Variants in WBP1L observed in about 807,000 individuals in gnomAD.
WBP1L encodes WW domain binding protein 1 like.
Under a neutral mutation model 33.7 loss-of-function variants are expected in WBP1L, and 17 were observed. The observed-to-expected ratio is 0.50, with a 90% CI of 0.34 to 0.76. The LOEUF is 0.76. Ranked by LOEUF, WBP1L falls within the 30% of genes least tolerant of loss-of-function variation. WBP1L has a pLI of 0.01. For synonymous variants in WBP1L, 173 were observed against 190.8 expected (o/e 0.91, Z 0.77); for missense variants, 389 against 469.4 (o/e 0.83, Z 1.58).
At chr10:102,744,255 G>A (rs1842834655) in intron 1 of WBP1L, 112 bp downstream of exon 1, 2 of 1,293,398 alleles carry the variant, frequency 1.5e-6, no homozygotes, top group South Asian at 1.6e-5. Context: ...CGAGAGGGGC[G>A]TCTATGCCTG....
chr10:102,807,771 A>G (rs1180562408), intron 2 of WBP1L, among the ~76,000 whole-genome samples: 2 of 151,738 alleles, frequency 1.3e-5, no homozygotes, highest in Non-Finnish European at 2.9e-5. Flanking sequence ...CAAAAATAAT[A>G]TTATGTGAGT....
In WBP1L at chr10:102,814,791, G is replaced by C. The variant is rs916102781; in HGVS notation, c.*1460G>C. ...AAACAAACATTCCCCACCCGGCCCT[G>C]TGCATATGAAGTCTTTCTTCCCCCA... is the stretch of plus-strand genomic sequence containing the variant. On this transcript the variant is annotated 3_prime_UTR_variant, in exon 4 of 4. Coordinates refer to ENST00000448841, the MANE Select transcript of WBP1L (RefSeq NM_001083913.2). The C allele has an allele frequency of 1.3e-5, 2 of 152,502 alleles. No homozygotes were observed. The highest frequency in any genetic ancestry group is 2.9e-5 in the Non-Finnish European group (2 of 68,012). 9.4% of individuals were successfully genotyped at this position (152,502 alleles called of 1,614,324 possible).
At chr10:102,782,443 A>G (rs1843352358) in intron 1 of WBP1L, among the ~76,000 whole-genome samples, 1 of 151,270 alleles carries the variant, frequency 6.6e-6, no homozygotes, top group South Asian at 2.1e-4. Context: ...GAAGAGGTAA[A>G]TTTTAGTCCA....
chr10:102,757,569 C>CT (rs60213859), intron 1 of WBP1L, among the ~76,000 whole-genome samples: 18,936 of 88,272 alleles, frequency 0.21, 2,452 homozygotes, highest in Middle Eastern at 0.3. Flanking sequence ...GTTTCTGAGC[C>CT]TTTTTTTTTT....
In WBP1L at chr10:102,746,090, G is replaced by A. The variant is rs1212221149; in HGVS notation, c.90+1947G>A. ...TGTCAGAGCCTTTGGAGATGGGCTGGTCAAAGATAGGAACTAGATCCACTT... is the reference window on the plus strand; with the variant it reads ...TGTCAGAGCCTTTGGAGATGGGCTGATCAAAGATAGGAACTAGATCCACTT... On this transcript the variant is annotated intron_variant, in intron 1 of 3. Transcript: ENST00000448841. The A allele has an allele frequency of 3.1e-6, 3 of 976,358 alleles. No individual in the cohort carries two copies. In the East Asian group the frequency reaches 3.4e-4, roughly 111 times the overall value. 60.5% of individuals were successfully genotyped at this position (976,358 alleles called of 1,614,324 possible). A position where few individuals can be genotyped will look rare whatever the true frequency, so the allele number is the denominator to read the frequency against.
At chr10:102,796,269 G>T (rs1843572328) in intron 1 of WBP1L, among the ~76,000 whole-genome samples, 1 of 152,166 alleles carries the variant, frequency 6.6e-6, no homozygotes, top group African/African-American at 2.4e-5. Flanking sequence ...CAGGGTTTAT[G>T]AATTTCTCGT....
intron 1 of WBP1L, among the ~76,000 whole-genome samples, chr10:102,768,767 A>G (rs1344868706): frequency 1.4e-5 from 2 of 144,502 alleles, no homozygotes; most frequent in Admixed American, 6.9e-5. Flanking sequence ...GGCTCACTGA[A>G]AGCTCCACCT....
intron 1 of WBP1L, among the ~76,000 whole-genome samples, chr10:102,797,210 T>C (rs1364445380): frequency 6.6e-6 from 1 of 152,350 alleles, no homozygotes; most frequent in South Asian, 2.1e-4. Flanking sequence ...AGAAAGTGTT[T>C]TAAAAAGAAG....
Position 102,765,013 on chromosome 10 carries a change from G to T in WBP1L, c.90+20870G>T, listed in dbSNP as rs184377746. ...ATGGCCCAGCTCTGCTTTGAGAAAG[G>T]GAATTTTGCTTTTGAGATGATTGAA... On this transcript the variant is annotated intron_variant, in intron 1 of 3. Coordinates refer to ENST00000448841, the MANE Select transcript of WBP1L (RefSeq NM_001083913.2). 2.5e-4 allele frequency among the ~76,000 whole-genome samples: 38 copies of T among 152,264 alleles called. No individual in the cohort carries two copies. The East Asian group carries it at 6.9e-3, about 28-fold the overall frequency.
intron 1 of WBP1L, among the ~76,000 whole-genome samples, chr10:102,797,429 A>G (rs1249274315): frequency 1.3e-5 from 2 of 152,180 alleles, no homozygotes; most frequent in East Asian, 1.9e-4. Context: ...GTCTGAGGAA[A>G]ACTTCACTCT....
rs1843860167 is a variant in WBP1L, at chr10:102,812,600, T to G, written c.361T>G (p.Leu121Val). The G allele has an allele frequency of 6.3e-7, 1 of 1,575,948 alleles. No individual in the cohort carries two copies. Among genetic ancestry groups the G allele is most frequent in the Non-Finnish European group, 8.6e-7 (1 of 1,157,778 alleles). Residue 121 changes from leucine to valine, a missense_variant, in exon 4 of 4, where the codon TTG becomes GTG. Transcript: ENST00000448841. ...TTCCTACCTCCCCATTTTAGGGTTT[T>G]TGCCAAACTATTTACTACCTCCTTA... is the stretch of plus-strand genomic sequence containing the variant. ...YSALPFYFRF[L>V]PNYLLPPYEE...
chr10:102,806,618 G>A (rs1843739994), intron 2 of WBP1L, among the ~76,000 whole-genome samples: 1 of 152,222 alleles, frequency 6.6e-6, no homozygotes, highest in African/African-American at 2.4e-5. Flanking sequence ...TATGGTCTCT[G>A]GTTAGGAATG....
chr10:102,769,356 C>CTTTTTTTTT (rs376863934), intron 1 of WBP1L, among the ~76,000 whole-genome samples: 3 of 134,662 alleles, frequency 2.2e-5, no homozygotes, highest in African/African-American at 5.2e-5. Flanking sequence ...TTTCTTTTTT[C>CTTTTTTTTT]TTTCTTTTTT....
chr10:102,806,657 G>A (rs1843740565), intron 2 of WBP1L, among the ~76,000 whole-genome samples: 1 of 152,164 alleles, frequency 6.6e-6, no homozygotes. Flanking sequence ...TGGGTAACAG[G>A]GAAAAAAATC....
intron 3 of WBP1L, 32 bp downstream of exon 3, chr10:102,810,086 C>T (rs1473875350): frequency 6.3e-7 from 1 of 1,579,784 alleles, no homozygotes; most frequent in Admixed American, 1.8e-5. Context: ...TACCCACCCT[C>T]AGGAGCTCAG....
intron 1 of WBP1L, chr10:102,744,455 G>T: frequency 1.1e-5 from 11 of 985,340 alleles, no homozygotes; most frequent in Non-Finnish European, 1.2e-5. Flanking sequence ...CCTTATTCGT[G>T]TCCCTCTGTG....
chr10:102,747,784 T>C (rs1842881655), intron 1 of WBP1L, among the ~76,000 whole-genome samples: 1 of 152,150 alleles, frequency 6.6e-6, no homozygotes, highest in Admixed American at 6.5e-5. Context: ...CATCTCAGCC[T>C]CCCAGAGTGT....
At position 102,812,717 on chromosome 10, in the gene WBP1L, C is replaced by T; in HGVS notation, c.478C>T (p.Pro160Ser). The change falls in exon 4 of 4, where the codon CCT becomes TCT. Residue 160 changes from proline to serine, a missense_variant. Coordinates refer to ENST00000448841, the MANE Select transcript of WBP1L (RefSeq NM_001083913.2). ...QQQLLPPQCG[P>S]AGGSPPGIDP... is the part of the protein sequence containing the mutation. Reference sequence around the variant, plus strand: ...GCAGCTGCTGCCTCCACAGTGTGGCCCTGCAGGTGGCAGTCCCCCGGGCAT... The same window carrying T: ...GCAGCTGCTGCCTCCACAGTGTGGCTCTGCAGGTGGCAGTCCCCCGGGCAT... 1 of 1,614,000 alleles carries T rather than the reference C, an allele frequency of 6.2e-7. No homozygotes were observed. Among genetic ancestry groups the T allele is most frequent in the South Asian group, 1.1e-5 (1 of 91,082 alleles).
intron 1 of WBP1L, among the ~76,000 whole-genome samples, chr10:102,761,239 C>T (rs539746355): frequency 6.7e-6 from 1 of 149,982 alleles, no homozygotes; most frequent in Non-Finnish European, 1.5e-5. Context: ...TCCTGGGTTC[C>T]AGTGATTCTC....
Sources: gnomAD v4.1 joint callset for allele counts (sites outside exome capture counted in the v4.1 genomes callset) on GRCh38, gnomAD v4.1.1 for gene constraint, MANE v1.5 for transcripts, NCBI Gene and HGNC (gene_info 2026-07-23, HGNC 2026-07-21) for gene names.